ZNF85: variants seen among roughly 807,000 people sequenced by gnomAD.
ZNF85 encodes zinc finger protein 85 (HPF4, HTF1).
ZNF85 carries 50 observed loss-of-function variants against 53.9 expected under a neutral mutation model. The observed-to-expected ratio is 0.93, with a 90% confidence interval of 0.74 to 1.17. The LOEUF (loss-of-function observed/expected upper bound fraction) is 1.17. Ranked by LOEUF, ZNF85 falls within the 50% of genes most tolerant of loss-of-function variation. The probability of loss-of-function intolerance (pLI) is 0.00; values close to 1 mark genes in which losing one functional copy is unlikely to be tolerated. For missense variants in ZNF85, 747 were observed against 688.5 expected, an observed-to-expected ratio of 1.08 and a Z score of -0.95; for synonymous variants, 225 against 226.1, an observed-to-expected ratio of 1.00 and a Z score of 0.04.
At chr19:20,937,356 C>T (rs1188382920) in intron 3 of ZNF85, 1 of 456,360 alleles carries the variant, frequency 2.2e-6, no homozygotes, top group Non-Finnish European at 4.4e-6. Flanking sequence ...AAACCAGTTT[C>T]AGAAGGTAAA....
rs1973498433 is a variant in ZNF85 at position 20,949,163 on chromosome 19, C to G, written c.649C>G (p.Leu217Val). ...CGKAFNWSSTLTKHKRIHTGE... is the reference protein window; with the variant it reads ...CGKAFNWSSTVTKHKRIHTGE... ...AAAAGCCTTTAACTGGTCCTCAACC[C>G]TTACTAAACATAAGAGAATTCATAC... The change falls in exon 4 of 4, where the codon CTT becomes GTT. Residue 217 changes from leucine to valine, a missense_variant. Transcript: ENST00000328178. The G allele has an allele frequency of 7.4e-6, 12 of 1,613,510 alleles. No individual in the cohort carries two copies. The African/African-American group carries it at 1.2e-4, about 16-fold the overall frequency.
At chr19:20,927,882 G>C (rs1193205042) in intron 1 of ZNF85, 2 of 151,442 alleles carry the variant, frequency 1.3e-5, no homozygotes, top group Non-Finnish European at 2.9e-5. Context: ...CTCCATCTGA[G>C]GGGGAAAAAA....
In ZNF85 at chr19:20,939,478, C is replaced by T. The variant is rs527579635; in HGVS notation, c.229+4431C>T. Among the ~76,000 whole-genome samples the T allele has an allele frequency of 2.0e-4, 31 of 152,280 alleles. 1 individual carries two copies. Among genetic ancestry groups the T allele is most frequent in the African/African-American group, 7.2e-4 (30 of 41,548 alleles). On this transcript the variant is annotated intron_variant, in intron 3 of 3. Transcript: ENST00000328178. ...CCATATTGGCCAGGCTGGTCTCGGA[C>T]TCCTGACCTAGTGACCCGCCCACCT...
chr19:20,932,097 T>C (rs1973036843), intron 1 of ZNF85, among the ~76,000 whole-genome samples: 1 of 152,218 alleles, frequency 6.6e-6, no homozygotes, highest in African/African-American at 2.4e-5. Context: ...CCTGTGGGTC[T>C]GGTGGTAGCA....
chr19:20,927,488 C>T (rs998958642), intron 1 of ZNF85: 2 of 146,670 alleles, frequency 1.4e-5, no homozygotes, highest in African/African-American at 4.9e-5. Context: ...CCAGTGAAGA[C>T]AAATTCAGCT....
chr19:20,933,693 A>G (rs1178714666), intron 1 of ZNF85, among the ~76,000 whole-genome samples: 1 of 152,218 alleles, frequency 6.6e-6, no homozygotes, highest in Non-Finnish European at 1.5e-5. Flanking sequence ...TAGAATGTGT[A>G]TATGGCATCC....
intron 1 of ZNF85, among the ~76,000 whole-genome samples, chr19:20,931,620 C>CT (rs1156835317): frequency 0.14 from 16,566 of 119,434 alleles, 2,254 homozygotes; most frequent in African/African-American, 0.35. Context: ...TTTTCTTTTT[C>CT]TTTTTTTTTT....
At chr19:20,945,977 A>T (rs1274046616) in intron 3 of ZNF85, among the ~76,000 whole-genome samples, 1 of 151,528 alleles carries the variant, frequency 6.6e-6, no homozygotes, top group African/African-American at 2.4e-5. Context: ...CTTTATACTT[A>T]TACCAAGTTG....
Position 20,950,046 on chromosome 19 carries a change from A to C in ZNF85, c.1532A>C (p.Lys511Thr), listed in dbSNP as rs1355678991. Reference protein sequence around the residue: ...KIIHTGEKPYKCEECGKAFNQ... With the variant: ...KIIHTGEKPYTCEECGKAFNQ... ...ATTCATACTGGAGAGAAACCATACA[A>C]ATGTGAAGAATGTGGCAAAGCTTTT... The change falls in exon 4 of 4, where the codon AAA becomes ACA. Residue 511 changes from lysine to threonine, a missense_variant. Lys to Thr is a moderately conservative substitution (Grantham distance 78, BLOSUM62 -1). Coordinates refer to ENST00000328178, the MANE Select transcript of ZNF85 (RefSeq NM_003429.5). 2 of 1,612,644 alleles carry C rather than the reference A, an allele frequency of 1.2e-6. No individual in the cohort carries two copies. The highest frequency in any genetic ancestry group is 1.7e-6 in the Non-Finnish European group (2 of 1,179,744).
intron 3 of ZNF85, among the ~76,000 whole-genome samples, chr19:20,935,936 C>T (rs1973147790): frequency 6.6e-6 from 1 of 152,104 alleles, no homozygotes; most frequent in African/African-American, 2.4e-5. Flanking sequence ...CCTTTCAATG[C>T]ATAGACATAA....
At chr19:20,940,038 A>C (rs1023985861) in intron 3 of ZNF85, among the ~76,000 whole-genome samples, 1 of 151,444 alleles carries the variant, frequency 6.6e-6, no homozygotes, top group African/African-American at 2.4e-5. Context: ...TGTTTAAGTG[A>C]GTAGTTATGG....
At chr19:20,948,298 A>G (rs572000152) in intron 3 of ZNF85, among the ~76,000 whole-genome samples, 123 of 152,214 alleles carry the variant, frequency 8.1e-4, no homozygotes, top group Non-Finnish European at 1.3e-3. Context: ...TGCCATTCCA[A>G]TGTATACCAT....
chr19:20,931,620 C>CTTTTTTTTTTTTTTTTTTTTTTTTTTTTT (rs1156835317), intron 1 of ZNF85, among the ~76,000 whole-genome samples: 1 of 119,468 alleles, frequency 8.4e-6, no homozygotes, highest in Non-Finnish European at 1.7e-5. Context: ...TTTTCTTTTT[C>CTTTTTTTTTTTTTTTTTTTTTTTTTTTTT]TTTTTTTTTT....
chr19:20,925,205 T>TC (rs1972851593), intron 1 of ZNF85, among the ~76,000 whole-genome samples: 1 of 152,132 alleles, frequency 6.6e-6, no homozygotes, highest in African/African-American at 2.4e-5. Context: ...ACACCTGTAA[T>TC]CCCAGCACTT....
chr19:20,938,271 T>C (rs1287820842), intron 3 of ZNF85, among the ~76,000 whole-genome samples: 3 of 152,174 alleles, frequency 2.0e-5, no homozygotes, highest in East Asian at 3.9e-4. Flanking sequence ...GGTTTTACCA[T>C]GTTGGATAAG....
chr19:20,937,492 G>C (rs1378399378), intron 3 of ZNF85: 3 of 361,232 alleles, frequency 8.3e-6, no homozygotes, highest in Non-Finnish European at 1.6e-5. Context: ...TGTTATAAGA[G>C]GCTTGGGTAG....
intron 1 of ZNF85, among the ~76,000 whole-genome samples, chr19:20,930,799 T>C (rs1972998426): frequency 6.6e-6 from 1 of 152,008 alleles, no homozygotes; most frequent in Non-Finnish European, 1.5e-5. Flanking sequence ...AGAGACAGAG[T>C]TTCGCTCTTG....
Position 20,925,455 on chromosome 19 carries a change from C to CAA in ZNF85, c.3+2067_3+2068dup, listed in dbSNP as rs71174767. On this transcript the variant is annotated intron_variant, in intron 1 of 3. Transcript: ENST00000328178. Reference sequence around the variant, plus strand: ...CTGGGTGAAAGAGCGAGACTGTATACAAAAAAAAAAAAAAAAGATTGACTT... The same window carrying CAA: ...CTGGGTGAAAGAGCGAGACTGTATACAAAAAAAAAAAAAAAAAAGATTGACTT... 5.1e-3 allele frequency among the ~76,000 whole-genome samples: 496 copies of CAA among 97,216 alleles called. 5 individuals are homozygous for CAA. The highest frequency in any genetic ancestry group is 0.013 in the African/African-American group (341 of 25,796). The allele number at this position is 97,216 out of a possible 152,430, so 63.8% of individuals were successfully genotyped here.
intron 3 of ZNF85, chr19:20,946,378 C>T: frequency 2.4e-6 from 1 of 410,202 alleles, no homozygotes; most frequent in Non-Finnish European, 4.8e-6. Flanking sequence ...GTTCTCTATG[C>T]CTCTGTTAGA....
Sources: gnomAD v4.1 joint callset for allele counts (sites outside exome capture counted in the v4.1 genomes callset) on GRCh38, gnomAD v4.1.1 for gene constraint, MANE v1.5 for transcripts, NCBI Gene and HGNC (gene_info 2026-07-23, HGNC 2026-07-21) for gene names.